The following POGLUT2 variants were observed in gnomAD, a reference collection of about 807,000 sequenced individuals.
POGLUT2 encodes ER protein 58.
A neutral mutation model predicts 57.6 loss-of-function variants in POGLUT2; 47 were observed. The ratio of observed to expected loss-of-function variants is 0.82; its 90% CI spans 0.65 to 1.04. The LOEUF is 1.04. Ranked by LOEUF, POGLUT2 falls within the 50% of genes least tolerant of loss-of-function variation. POGLUT2 has a pLI of 0.00. For synonymous variants in POGLUT2, 200 were observed against 218.8 expected (o/e 0.91, Z 0.76); for missense variants, 565 against 614.8 (o/e 0.92, Z 0.86).
At chr13:102,789,645 T>A (rs1878094077) in intron 6 of POGLUT2, among the ~76,000 whole-genome samples, 1 of 152,268 alleles carries the variant, frequency 6.6e-6, no homozygotes, top group Non-Finnish European at 1.5e-5. Context: ...TCACTCAGGC[T>A]GGAGTGTAGT....
In POGLUT2 at chr13:102,789,067, C is replaced by T; in HGVS notation, c.1238G>A (p.Ser413Asn). The T allele has an allele frequency of 6.2e-6, 10 of 1,614,180 alleles. No homozygotes were observed. The highest frequency in any genetic ancestry group is 8.5e-6 in the Non-Finnish European group (10 of 1,180,022). ...QPWKHYIPVK[S>N]NLSDLLEKLK... ...TTTTTCTAGCAGATCGCTCAGGTTG[C>T]TCTTAACTGGAATGTAGTGTTTCCA... Residue 413 changes from serine to asparagine, a missense_variant, in exon 7 of 10, where the codon AGC becomes AAC. By Grantham distance (46) the Ser-to-Asn change is conservative. Transcript: ENST00000376004.
intron 1 of POGLUT2, among the ~76,000 whole-genome samples, chr13:102,797,811 A>T (rs1878481744): frequency 6.6e-6 from 1 of 152,114 alleles, no homozygotes. Flanking sequence ...CTTTTGCCAA[A>T]TAACAAAATT....
In POGLUT2 at chr13:102,798,494, C is replaced by G. The variant is rs760388907; in HGVS notation, c.177G>C (p.Gly59=). 6.3e-7 allele frequency: 1 copy of G among 1,594,572 alleles called. No homozygotes were observed. The highest frequency in any genetic ancestry group is 1.4e-5 in the African/African-American group (1 of 73,554). ...GGAGCCGTTTCTCGACTTACTTATTCCCTGATGTATCCACTGCCTGAATAT... is the reference window on the plus strand; with the variant it reads ...GGAGCCGTTTCTCGACTTACTTATTGCCTGATGTATCCACTGCCTGAATAT... ...YFYIQAVDTS[G]NKFTSSPGEK... The change falls in exon 1 of 10, where the codon GGG becomes GGC. Residue 59 remains glycine (G), a synonymous_variant. Coordinates refer to ENST00000376004, the MANE Select transcript of POGLUT2 (RefSeq NM_024089.3).
chr13:102,794,286 GC>G (rs376056322), intron 2 of POGLUT2, among the ~76,000 whole-genome samples: 220 of 152,206 alleles, frequency 1.4e-3, no homozygotes, highest in African/African-American at 5.1e-3. Flanking sequence ...AAGTAAGTCA[GC>G]CTTCTACTCT....
chr13:102,786,192 T>A lies in POGLUT2; in HGVS notation c.1491+40A>T, dbSNP rs757863423. ...AAAAGCAAGTTTGGATCAATGTTAGTTTTTACTCTGACACCGGCCATAAGC... is the reference window on the plus strand; with the variant it reads ...AAAAGCAAGTTTGGATCAATGTTAGATTTTACTCTGACACCGGCCATAAGC... On this transcript the variant is annotated intron_variant, in intron 9 of 9. Transcript: ENST00000376004. 3.7e-6 allele frequency: 5 copies of A among 1,349,006 alleles called. No individual in the cohort carries two copies. In the South Asian group the frequency reaches 5.9e-5, roughly 16 times the overall value. The allele number at this position is 1,349,006 out of a possible 1,614,324, so 83.6% of individuals were successfully genotyped here.
intron 2 of POGLUT2, among the ~76,000 whole-genome samples, chr13:102,796,228 G>T (rs1878371762): frequency 6.7e-6 from 1 of 149,726 alleles, no homozygotes; most frequent in Non-Finnish European, 1.5e-5. Context: ...CCGGAAGGCG[G>T]AGCTTGCAGT....
rs138842055 is a variant in POGLUT2, at chr13:102,797,682, C to G, written c.183-673G>C. On this transcript the variant is annotated intron_variant, in intron 1 of 9. Coordinates refer to ENST00000376004, the MANE Select transcript of POGLUT2 (RefSeq NM_024089.3). Reference sequence around the variant, plus strand: ...GCTTCAGCCTGGGAGGTTGAGGGTACAGTGAGCTGTGATTGCACCACTGCA... The same window carrying G: ...GCTTCAGCCTGGGAGGTTGAGGGTAGAGTGAGCTGTGATTGCACCACTGCA... 2.6e-3 allele frequency among the ~76,000 whole-genome samples: 400 copies of G among 151,896 alleles called. 1 individual carries two copies. Among genetic ancestry groups the G allele is most frequent in the African/African-American group, 9.4e-3 (390 of 41,386 alleles).
intron 7 of POGLUT2, among the ~76,000 whole-genome samples, chr13:102,788,504 G>T (rs1878040613): frequency 6.6e-6 from 1 of 152,126 alleles, no homozygotes; most frequent in African/African-American, 2.4e-5. Context: ...GTTGTTGTTT[G>T]AGACGGAGTT....
At chr13:102,785,298 C>T (rs1338507651) in intron 9 of POGLUT2, among the ~76,000 whole-genome samples, 6 of 152,058 alleles carry the variant, frequency 3.9e-5, no homozygotes, top group African/African-American at 1.2e-4. Flanking sequence ...ATCACTGGGG[C>T]CAGCCTCACC....
In POGLUT2 at chr13:102,791,385, GCCAGT is replaced by G; in HGVS notation, c.713_717del (p.Asp238AlafsTer35). 6.2e-7 allele frequency: 1 copy of G among 1,608,746 alleles called. No homozygotes were observed. The highest frequency in any genetic ancestry group is 8.5e-7 in the Non-Finnish European group (1 of 1,178,780). ...GAATTGGATTTCTTTTTTTCCAAAG[GCCAGT>G]CTCCCAAATTAACAAAGAGCTCCAC... is the stretch of plus-strand genomic sequence containing the variant. On this transcript the variant is annotated frameshift_variant, in exon 5 of 10. Transcript: ENST00000376004. LOFTEE classifies it high-confidence loss of function.
chr13:102,784,602 A>T, intron 9 of POGLUT2, 90 bp from the exon 10 acceptor site: 1 of 821,816 alleles, frequency 1.2e-6, no homozygotes, highest in East Asian at 2.5e-5. Flanking sequence ...TCCTGTAAAG[A>T]TGAGAGGGAG....
intron 1 of POGLUT2, among the ~76,000 whole-genome samples, chr13:102,798,021 C>T (rs1032015848): frequency 1.3e-5 from 2 of 152,110 alleles, no homozygotes; most frequent in Non-Finnish European, 2.9e-5. Context: ...ATTAATACTT[C>T]GATACTTTCC....
At position 102,792,035 on chromosome 13, in the gene POGLUT2, A is replaced by T. The variant is rs1010332382; in HGVS notation, c.673-605T>A. ...TTGAGAAACCGAAGTCCTGAAGAAC[A>T]TTCTCATTTTCCCATGGATTGACAA... On this transcript the variant is annotated intron_variant, in intron 4 of 9. Coordinates refer to ENST00000376004, the MANE Select transcript of POGLUT2 (RefSeq NM_024089.3). 7 of 1,289,618 alleles carry T rather than the reference A, an allele frequency of 5.4e-6. No individual in the cohort carries two copies. In the African/African-American group the frequency reaches 1.1e-4, roughly 20 times the overall value. The allele number at this position is 1,289,618 out of a possible 1,614,324, so 79.9% of individuals were successfully genotyped here. A position where few individuals can be genotyped will look rare whatever the true frequency, so the allele number is the denominator to read the frequency against.
In POGLUT2 at chr13:102,786,371, A is replaced by G. The variant is rs535602104; in HGVS notation, c.1384-32T>C. The G allele has an allele frequency of 4.4e-5, 60 of 1,367,292 alleles. 1 individual carries two copies. Among genetic ancestry groups the G allele is most frequent in the Middle Eastern group, 3.6e-4 (2 of 5,596 alleles). The allele number at this position is 1,367,292 out of a possible 1,614,324, so 84.7% of individuals were successfully genotyped here. A position where few individuals can be genotyped will look rare whatever the true frequency, so the allele number is the denominator to read the frequency against. On this transcript the variant is annotated intron_variant, in intron 8 of 9. Coordinates refer to ENST00000376004, the MANE Select transcript of POGLUT2 (RefSeq NM_024089.3). ...AAGCAACAATATAAAAGCATTCCTT[A>G]TAAAACACTTTATATCCACCCAATG... is the stretch of plus-strand genomic sequence containing the variant.
In POGLUT2 at chr13:102,784,349, A is replaced by G; in HGVS notation, c.*146T>C. ...TACTTTAAAGTACAGTCATGAGAATACTGCATAAGTAGAAATGTGTCTTCA... is the reference window on the plus strand; with the variant it reads ...TACTTTAAAGTACAGTCATGAGAATGCTGCATAAGTAGAAATGTGTCTTCA... On this transcript the variant is annotated 3_prime_UTR_variant, in exon 10 of 10. Transcript: ENST00000376004. 1 of 593,394 alleles carries G rather than the reference A, an allele frequency of 1.7e-6. No individual in the cohort carries two copies. The highest frequency in any genetic ancestry group is 2.1e-5 in the South Asian group (1 of 47,162). 36.8% of individuals were successfully genotyped at this position (593,394 alleles called of 1,614,324 possible).
intron 4 of POGLUT2, 186 bp downstream of exon 4, chr13:102,793,155 C>A (rs1400996699): frequency 1.9e-6 from 1 of 536,286 alleles, no homozygotes. Flanking sequence ...CAGTTTGTAG[C>A]ACTTTGTTAC....
At position 102,787,997 on chromosome 13, in the gene POGLUT2, C is replaced by G; in HGVS notation, c.1294-74G>C. On this transcript the variant is annotated intron_variant, in intron 7 of 9. Transcript: ENST00000376004. ...ATGCAGGCATCTGCAAACTGCTCTTCAGAGTATGTATACATTGGGGCAACT... is the reference window on the plus strand; with the variant it reads ...ATGCAGGCATCTGCAAACTGCTCTTGAGAGTATGTATACATTGGGGCAACT... The G allele has an allele frequency of 4.8e-6, 4 of 838,020 alleles. No homozygotes were observed. The South Asian group carries it at 6.4e-5, about 13-fold the overall frequency. The allele number at this position is 838,020 out of a possible 1,614,324, so 51.9% of individuals were successfully genotyped here.
intron 2 of POGLUT2, among the ~76,000 whole-genome samples, chr13:102,794,235 G>C (rs1026364589): frequency 6.6e-6 from 1 of 150,754 alleles, no homozygotes; most frequent in African/African-American, 2.4e-5. Flanking sequence ...CCGTTTCAAA[G>C]AAAAAAAAAG....
rs150392336 is a variant in POGLUT2, at chr13:102,791,876, C to A, written c.673-446G>T. 44 of 725,410 alleles carry A rather than the reference C, an allele frequency of 6.1e-5. No individual in the cohort carries two copies. The East Asian group carries it at 2.8e-3, about 46-fold the overall frequency. 44.9% of individuals were successfully genotyped at this position (725,410 alleles called of 1,614,324 possible). On this transcript the variant is annotated intron_variant, in intron 4 of 9. Transcript: ENST00000376004. ...AGTAAGTTTCAAGCTATGCTTCCTTCCTCTACTGGCAAATGGCATGAATAT... is the reference window on the plus strand; with the variant it reads ...AGTAAGTTTCAAGCTATGCTTCCTTACTCTACTGGCAAATGGCATGAATAT...
Sources: allele counts gnomAD v4.1 joint callset (sites outside exome capture counted in the v4.1 genomes callset), GRCh38; gene constraint gnomAD v4.1.1; transcripts MANE v1.5; gene names NCBI Gene and HGNC (gene_info 2026-07-23, HGNC 2026-07-21).